MSRA: variants seen among roughly 807,000 people sequenced by gnomAD.
MSRA encodes the protein mitochondrial peptide methionine sulfoxide reductase.
In MSRA, 54 loss-of-function variants were observed where a neutral mutation model predicts 31.3. That is an observed-to-expected ratio of 1.73 (90% CI 1.39 to 2.17). The LOEUF (loss-of-function observed/expected upper bound fraction) is 2.17, where lower values mean the gene tolerates loss of function less well. Ranked by LOEUF, MSRA falls within the 30% of genes most tolerant of loss-of-function variation. The pLI is 0.00. For synonymous variants in MSRA, 169 were observed against 116.5 expected (o/e 1.45, Z -2.90); for missense variants, 507 against 300.9 (o/e 1.69, Z -5.07).
At chr8:10,215,841 G>A (rs964457576) in intron 2 of MSRA, among the ~76,000 whole-genome samples, 2 of 152,250 alleles carry the variant, frequency 1.3e-5, no homozygotes, top group Admixed American at 6.5e-5. Flanking sequence ...CTTGACTGAC[G>A]TTTTTTCCTT....
intron 5 of MSRA, among the ~76,000 whole-genome samples, chr8:10,335,415 C>A (rs1224793051): frequency 6.6e-6 from 1 of 152,114 alleles, no homozygotes; most frequent in East Asian, 1.9e-4. Flanking sequence ...GACAGCACTC[C>A]ATTGCGACGT....
intron 1 of MSRA, among the ~76,000 whole-genome samples, chr8:10,109,804 T>G (rs1800150718): frequency 6.6e-6 from 1 of 152,238 alleles, no homozygotes; most frequent in South Asian, 2.1e-4. Context: ...TTTGATGTCT[T>G]TTTTTCACAG....
intron 1 of MSRA, among the ~76,000 whole-genome samples, chr8:10,099,917 C>G (rs1406134881): frequency 1.3e-5 from 2 of 152,146 alleles, no homozygotes; most frequent in African/African-American, 2.4e-5. Context: ...GTGGTGTGGC[C>G]TGAGCATGCA....
intron 2 of MSRA, among the ~76,000 whole-genome samples, chr8:10,209,785 C>T (rs1410385240): frequency 1.3e-5 from 2 of 152,202 alleles, no homozygotes; most frequent in African/African-American, 4.8e-5. Context: ...GGGGCAGCCC[C>T]TGGGAGGCCC....
chr8:10,172,312 G>A (rs1805661747), intron 1 of MSRA, among the ~76,000 whole-genome samples: 1 of 152,186 alleles, frequency 6.6e-6, no homozygotes, highest in Non-Finnish European at 1.5e-5. Flanking sequence ...CTTGGGAGGT[G>A]CTGATGGGGT....
chr8:10,066,414 A>T lies in MSRA; in HGVS notation c.142+11756A>T, dbSNP rs1052422738. ...TCCAAAACCTTTCTCTGTATTCATA[A>T]AATCATACACACACACGCACAATTG... On this transcript the variant is annotated intron_variant, in intron 1 of 5. Coordinates refer to ENST00000317173, the MANE Select transcript of MSRA (RefSeq NM_012331.5). 8.5e-5 allele frequency among the ~76,000 whole-genome samples: 13 copies of T among 152,378 alleles called. No homozygotes were observed. The East Asian group carries it at 1.3e-3, about 16-fold the overall frequency.
intron 4 of MSRA, among the ~76,000 whole-genome samples, chr8:10,316,566 CT>C (rs1801735375): frequency 3.3e-5 from 5 of 149,468 alleles, no homozygotes; most frequent in South Asian, 4.3e-4. Flanking sequence ...CTCTCTCTCT[CT>C]CTCTCTCCTT....
chr8:10,206,660 C>G (rs1809006413), intron 1 of MSRA, among the ~76,000 whole-genome samples: 1 of 152,220 alleles, frequency 6.6e-6, no homozygotes, highest in Non-Finnish European at 1.5e-5. Flanking sequence ...GCTCTCTCAC[C>G]CTTGCCTTTG....
intron 1 of MSRA, among the ~76,000 whole-genome samples, chr8:10,197,845 C>T (rs1416530759): frequency 2.0e-5 from 3 of 152,114 alleles, no homozygotes; most frequent in South Asian, 4.1e-4. Context: ...CTTGAGTGTG[C>T]GTCACTTGGG....
intron 1 of MSRA, among the ~76,000 whole-genome samples, chr8:10,074,206 C>T (rs993989536): frequency 8.6e-5 from 13 of 151,118 alleles, no homozygotes; most frequent in African/African-American, 2.9e-4. Context: ...CCTTATCCTC[C>T]CGAGTACCTG....
At chr8:10,084,163 T>C (rs781635459) in intron 1 of MSRA, among the ~76,000 whole-genome samples, 1 of 152,256 alleles carries the variant, frequency 6.6e-6, no homozygotes, top group Non-Finnish European at 1.5e-5. Context: ...CTCCGACTTG[T>C]CCACGCTTCC....
chr8:10,400,378 T>TGTGTAGTGTGTAGTGTGTA (rs112068172), intron 5 of MSRA, among the ~76,000 whole-genome samples: 1 of 110,262 alleles, frequency 9.1e-6, no homozygotes, highest in Non-Finnish European at 2.3e-5. Context: ...TGTGTGTGTG[T>TGTGTAGTGTGTAGTGTGTA]GTGTGTAGTG....
At chr8:10,255,269 C>T (rs542949854) in intron 3 of MSRA, among the ~76,000 whole-genome samples, 1 of 152,320 alleles carries the variant, frequency 6.6e-6, no homozygotes, top group African/African-American at 2.4e-5. Flanking sequence ...CATGGAAACT[C>T]GCAGGATTAT....
At chr8:10,298,661 A>G (rs771705448) in intron 3 of MSRA, among the ~76,000 whole-genome samples, 3 of 152,234 alleles carry the variant, frequency 2.0e-5, no homozygotes, top group African/African-American at 7.2e-5. Flanking sequence ...CATCAAGTAG[A>G]TAAGTGGCTA....
chr8:10,074,993 G>A (rs554596867), intron 1 of MSRA, among the ~76,000 whole-genome samples: 1 of 152,102 alleles, frequency 6.6e-6, no homozygotes, highest in Non-Finnish European at 1.5e-5. Context: ...CCATGCTTCT[G>A]TTTACCCATT....
intron 2 of MSRA, among the ~76,000 whole-genome samples, chr8:10,238,707 A>G (rs938385766): frequency 4.6e-5 from 7 of 152,210 alleles, no homozygotes; most frequent in African/African-American, 1.4e-4. Context: ...TTGGTTATGA[A>G]TATGGAAAAA....
chr8:10,306,619 T>G (rs1025171144), intron 4 of MSRA, among the ~76,000 whole-genome samples: 3 of 152,160 alleles, frequency 2.0e-5, no homozygotes, highest in Non-Finnish European at 2.9e-5. Flanking sequence ...AAAAGCCTCC[T>G]TAAGGCTTCT....
At chr8:10,247,418 C>T (rs375306271) in intron 3 of MSRA, among the ~76,000 whole-genome samples, 36 of 152,312 alleles carry the variant, frequency 2.4e-4, no homozygotes, top group African/African-American at 8.4e-4. Flanking sequence ...CTTTCTTCCA[C>T]CAAGTCACAA....
At chr8:10,061,548 C>T (rs528123619) in intron 1 of MSRA, among the ~76,000 whole-genome samples, 9 of 152,192 alleles carry the variant, frequency 5.9e-5, no homozygotes, top group African/African-American at 2.2e-4. Context: ...GTCTCATCTC[C>T]CCACGTAGTG....
Sources: allele counts gnomAD v4.1 joint callset (sites outside exome capture counted in the v4.1 genomes callset), GRCh38; gene constraint gnomAD v4.1.1; transcripts MANE v1.5; gene names NCBI Gene and HGNC (gene_info 2026-07-23, HGNC 2026-07-21).